The following GRID2 variants were observed in gnomAD, a reference collection of about 807,000 sequenced individuals.
GRID2 encodes the protein glutamate ionotropic receptor delta type subunit 2.
GRID2 carries 33 observed loss-of-function variants against 114.8 expected under a neutral mutation model. The ratio of observed to expected loss-of-function variants is 0.29; its 90% CI spans 0.22 to 0.38. The LOEUF is 0.38. Ranked by LOEUF, GRID2 falls within the 10% of genes least tolerant of loss-of-function variation. GRID2 has a pLI of 1.00. For synonymous variants in GRID2, 505 were observed against 449.9 expected (o/e 1.12, Z -1.55); for missense variants, 1,184 against 1,257.7 (o/e 0.94, Z 0.89).
At chr4:92,686,009 G>A (rs1279329995) in intron 2 of GRID2, among the ~76,000 whole-genome samples, 2 of 151,774 alleles carry the variant, frequency 1.3e-5, no homozygotes, top group Admixed American at 1.3e-4. Context: ...CTTATAATTA[G>A]AACTAAATAG....
chr4:92,617,838 C>A (rs1730076398), intron 2 of GRID2, among the ~76,000 whole-genome samples: 1 of 151,462 alleles, frequency 6.6e-6, no homozygotes, highest in Non-Finnish European at 1.5e-5. Context: ...GTCATTTGCC[C>A]TTTTCTTAAT....
chr4:93,121,091 A>G (rs1335927989), intron 4 of GRID2, among the ~76,000 whole-genome samples: 1 of 152,152 alleles, frequency 6.6e-6, no homozygotes, highest in Non-Finnish European at 1.5e-5. Context: ...AACTTAAAGT[A>G]TAATAATAAT....
chr4:93,327,220 G>T (rs1757928219), intron 8 of GRID2, among the ~76,000 whole-genome samples: 1 of 152,060 alleles, frequency 6.6e-6, no homozygotes, highest in African/African-American at 2.4e-5. Flanking sequence ...TTTTGCTCCA[G>T]ATCATTTATA....
intron 14 of GRID2, among the ~76,000 whole-genome samples, chr4:93,683,155 C>A (rs755628530): frequency 1.3e-5 from 2 of 151,856 alleles, no homozygotes; most frequent in African/African-American, 2.4e-5. Context: ...ATCAGCATAG[C>A]CTCTCTCCCT....
chr4:92,481,881 A>C (rs763245549), intron 1 of GRID2, among the ~76,000 whole-genome samples: 20 of 150,558 alleles, frequency 1.3e-4, no homozygotes, highest in Non-Finnish European at 2.4e-4. Context: ...TATGCTGAAA[A>C]GACACATGCA....
intron 1 of GRID2, among the ~76,000 whole-genome samples, chr4:92,486,547 T>TTA (rs1553940873): frequency 7.3e-6 from 1 of 137,074 alleles, no homozygotes; most frequent in Non-Finnish European, 1.6e-5. Context: ...TCTCTCTCTT[T>TTA]CACACACACA....
In GRID2 at chr4:92,868,544, G is replaced by A. The variant is rs78502369; in HGVS notation, c.245-216451G>A. Reference sequence around the variant, plus strand: ...TGGAAGATTAAAATAGAAACAAGTAGGCTATTCTTTCTCCTTTAAAACAAC... The same window carrying A: ...TGGAAGATTAAAATAGAAACAAGTAAGCTATTCTTTCTCCTTTAAAACAAC... On this transcript the variant is annotated intron_variant, in intron 2 of 15. Coordinates refer to ENST00000282020, the MANE Select transcript of GRID2 (RefSeq NM_001510.4). Among the ~76,000 whole-genome samples the A allele has an allele frequency of 9.0e-3, 1,369 of 152,208 alleles. 15 individuals are homozygous for A. The highest frequency in any genetic ancestry group is 0.011 in the Non-Finnish European group (742 of 68,016).
intron 1 of GRID2, among the ~76,000 whole-genome samples, chr4:92,520,817 C>T (rs1052531317): frequency 6.6e-6 from 1 of 151,876 alleles, no homozygotes; most frequent in East Asian, 2.0e-4. Context: ...GTGTCTCAAT[C>T]AACATAGAAG....
At chr4:92,471,293 C>T (rs138387712) in intron 1 of GRID2, among the ~76,000 whole-genome samples, 49 of 152,046 alleles carry the variant, frequency 3.2e-4, no homozygotes, top group African/African-American at 1.1e-3. Flanking sequence ...AGCATCCAGC[C>T]TAAAATACTA....
At chr4:92,664,213 A>T (rs1271283697) in intron 2 of GRID2, among the ~76,000 whole-genome samples, 1 of 151,186 alleles carries the variant, frequency 6.6e-6, no homozygotes, top group East Asian at 1.9e-4. Context: ...TGATTATTTT[A>T]AAATGTATCT....
At chr4:92,802,715 T>G (rs2149373320) in intron 2 of GRID2, among the ~76,000 whole-genome samples, 1 of 152,078 alleles carries the variant, frequency 6.6e-6, no homozygotes, top group Admixed American at 6.6e-5. Context: ...CTCTCTATTA[T>G]TTTATTCTTC....
At chr4:92,537,669 T>C (rs17319190) in intron 1 of GRID2, among the ~76,000 whole-genome samples, 10,255 of 152,188 alleles carry the variant, frequency 0.067, 390 homozygotes, top group Middle Eastern at 0.17. Context: ...TTCTAAATAG[T>C]ACTTGTCTTG....
chr4:93,495,176 G>A (rs1035621295), intron 12 of GRID2, among the ~76,000 whole-genome samples: 1 of 151,582 alleles, frequency 6.6e-6, no homozygotes, highest in African/African-American at 2.4e-5. Flanking sequence ...CTTAAGGTTG[G>A]ACTAAACAAA....
intron 2 of GRID2, among the ~76,000 whole-genome samples, chr4:92,785,447 A>G (rs1739271830): frequency 6.6e-6 from 1 of 151,452 alleles, no homozygotes; most frequent in South Asian, 2.1e-4. Context: ...TTTCCAAGAT[A>G]CGTTTTTGAG....
At chr4:93,810,000 C>G (rs1452125345) in exon 2 of GRID2, 2 of 152,144 alleles carry the variant, frequency 1.3e-5, no homozygotes, top group Admixed American at 6.6e-5. Flanking sequence ...AATGTCAGAC[C>G]AAGCATATGA....
chr4:92,787,383 A>G (rs1243411717), intron 2 of GRID2, among the ~76,000 whole-genome samples: 3 of 152,010 alleles, frequency 2.0e-5, no homozygotes, highest in Non-Finnish European at 4.4e-5. Flanking sequence ...AGAGGTGAGG[A>G]ATTTTAAATG....
chr4:93,071,418 T>C (rs1453551021), intron 2 of GRID2, among the ~76,000 whole-genome samples: 2 of 152,092 alleles, frequency 1.3e-5, no homozygotes, highest in African/African-American at 4.8e-5. Context: ...AAGCTCCTGC[T>C]CTTATGTAGC....
At chr4:93,285,629 G>C (rs911926975) in intron 8 of GRID2, among the ~76,000 whole-genome samples, 2 of 151,872 alleles carry the variant, frequency 1.3e-5, no homozygotes, top group African/African-American at 4.8e-5. Flanking sequence ...ATGTAAGAAA[G>C]GGAAAGTAAG....
At chr4:93,517,929 ATATGTATGTATATACATACATGTATATG>A (rs1729896801) in intron 13 of GRID2, among the ~76,000 whole-genome samples, 4 of 75,262 alleles carry the variant, frequency 5.3e-5, no homozygotes, top group African/African-American at 1.1e-4. Flanking sequence ...TATATACTAT[ATATGTATGTATATACATACATGTATATG>A]TATGTATATA....
Sources: gnomAD v4.1 joint callset for allele counts (sites outside exome capture counted in the v4.1 genomes callset) on GRCh38, gnomAD v4.1.1 for gene constraint, MANE v1.5 for transcripts, NCBI Gene and HGNC (gene_info 2026-07-23, HGNC 2026-07-21) for gene names.